FXYD2: variants seen among roughly 807,000 people sequenced by gnomAD.
FXYD2 encodes FXYD domain containing ion transport regulator 2.
Under a neutral mutation model 11.8 loss-of-function variants are expected in FXYD2, and 8 were observed. The observed-to-expected ratio is 0.68, with a 90% CI of 0.40 to 1.22. FXYD2 has a LOEUF of 1.22. FXYD2 is among the 50% of genes most tolerant of loss of function. The probability of loss-of-function intolerance (pLI) is 0.01; values close to 1 mark genes in which losing one functional copy is unlikely to be tolerated. For missense variants in FXYD2, 92 were observed against 91.8 expected, an observed-to-expected ratio of 1.00 and a Z score of -0.01; for synonymous variants, 42 against 33.3, an observed-to-expected ratio of 1.26 and a Z score of -0.90.
At position 117,822,179 on chromosome 11, in the gene FXYD2, C is replaced by G. The variant is rs533008897; in HGVS notation, c.139+227G>C. The G allele has an allele frequency of 7.0e-7, 1 of 1,433,730 alleles. No individual in the cohort carries two copies. Among genetic ancestry groups the G allele is most frequent in the Non-Finnish European group, 9.1e-7 (1 of 1,093,726 alleles). The allele number at this position is 1,433,730 out of a possible 1,614,324, so 88.8% of individuals were successfully genotyped here. A position where few individuals can be genotyped will look rare whatever the true frequency, so the allele number is the denominator to read the frequency against. Reference sequence around the variant, plus strand: ...CGTGGGTTTGCTCTCACTTCTGCGGCTCCTCCCGGGCCCACTGGAGGGTGC... The same window carrying G: ...CGTGGGTTTGCTCTCACTTCTGCGGGTCCTCCCGGGCCCACTGGAGGGTGC... On this transcript the variant is annotated intron_variant, in intron 3 of 5. Transcript: ENST00000292079. The surrounding 1 kb of genome is among the most constrained non-coding windows in gnomAD (Gnocchi z 4.7).
intron 1 of FXYD2, among the ~76,000 whole-genome samples, chr11:117,823,228 G>T (rs982985495): frequency 3.3e-5 from 5 of 152,174 alleles, no homozygotes; most frequent in African/African-American, 9.7e-5. Context: ...CCTTTCCTGC[G>T]TTACCATCCT....
chr11:117,825,865 C>G (rs1429640149), upstream of FXYD2, among the ~76,000 whole-genome samples: 1 of 152,172 alleles, frequency 6.6e-6, no homozygotes, highest in Non-Finnish European at 1.5e-5. Context: ...AGCAGGGGAG[C>G]TTGAGCCCTT....
At chr11:117,821,907 G>A (rs973633371) in intron 3 of FXYD2, 3 of 1,015,350 alleles carry the variant, frequency 3.0e-6, no homozygotes, top group East Asian at 2.0e-4. Context: ...TCAATGTGCA[G>A]TTATTAAGCT....
Position 117,824,328 on chromosome 11 carries a change from C to T in FXYD2, c.25+326G>A. 2.1e-6 allele frequency: 1 copy of T among 475,562 alleles called. No individual in the cohort carries two copies. Among genetic ancestry groups the T allele is most frequent in the Non-Finnish European group, 3.8e-6 (1 of 260,564 alleles). The allele number at this position is 475,562 out of a possible 1,614,324, so 29.5% of individuals were successfully genotyped here. A position where few individuals can be genotyped will look rare whatever the true frequency, so the allele number is the denominator to read the frequency against. On this transcript the variant is annotated intron_variant, in intron 1 of 5. Transcript: ENST00000292079. This position sits in a 1 kb window ranked among gnomAD's most constrained non-coding sequence, Gnocchi z 4.0. ...CCCCAGCCAGATGGACGCCGTCTGCCTCCCGCCCAAGTTCAGACGGTCTAG... is the reference window on the plus strand; with the variant it reads ...CCCCAGCCAGATGGACGCCGTCTGCTTCCCGCCCAAGTTCAGACGGTCTAG...
Position 117,824,391 on chromosome 11 carries a change from G to A in FXYD2, c.25+263C>T, listed in dbSNP as rs1309935491. On this transcript the variant is annotated intron_variant, in intron 1 of 5. Transcript: ENST00000292079. This position sits in a 1 kb window ranked among gnomAD's most constrained non-coding sequence, Gnocchi z 4.0. Reference sequence around the variant, plus strand: ...AACTCAGGGCGGGTGTGTGCCAGGAGGCCGAGGAGGAACGCTCAGCTCTCC... The same window carrying A: ...AACTCAGGGCGGGTGTGTGCCAGGAAGCCGAGGAGGAACGCTCAGCTCTCC... 1 of 591,202 alleles carries A rather than the reference G, an allele frequency of 1.7e-6. No homozygotes were observed. Among genetic ancestry groups the A allele is most frequent in the Non-Finnish European group, 3.0e-6 (1 of 329,412 alleles). 36.6% of individuals were successfully genotyped at this position (591,202 alleles called of 1,614,324 possible).
intron 3 of FXYD2, 140 bp from the exon 4 acceptor site, chr11:117,821,035 G>C (rs969187658): frequency 2.0e-6 from 2 of 990,108 alleles, no homozygotes; most frequent in Admixed American, 2.3e-5. Context: ...ACGTTTGACT[G>C]TCTCTATTTT....
chr11:117,827,027 G>A (rs1017633437), upstream of FXYD2, among the ~76,000 whole-genome samples: 2 of 151,852 alleles, frequency 1.3e-5, no homozygotes, highest in African/African-American at 4.8e-5. Context: ...TCCCACTGCG[G>A]GGGGGAGGAG....
chr11:117,822,634 G>A lies in FXYD2; in HGVS notation c.64+45C>T, dbSNP rs751789620. 2 of 1,600,966 alleles carry A rather than the reference G, an allele frequency of 1.2e-6. No homozygotes were observed. The highest frequency in any genetic ancestry group is 1.1e-5 in the South Asian group (1 of 88,220). ...TGGGAGAGGCCGCTGCTTGGTGGAAGGGGTCCTGAGGGCTCAGGAAGGGTG... is the reference window on the plus strand; with the variant it reads ...TGGGAGAGGCCGCTGCTTGGTGGAAAGGGTCCTGAGGGCTCAGGAAGGGTG... On this transcript the variant is annotated intron_variant, in intron 2 of 5. Coordinates refer to ENST00000292079, the MANE Select transcript of FXYD2 (RefSeq NM_001680.5). This position sits in a 1 kb window ranked among gnomAD's most constrained non-coding sequence, Gnocchi z 4.7.
intron 3 of FXYD2, chr11:117,821,185 T>C (rs2055893126): frequency 5.3e-6 from 2 of 379,960 alleles, no homozygotes; most frequent in Non-Finnish European, 8.1e-6. Context: ...GCCTCCCAAG[T>C]AGCTGGGACT....
chr11:117,825,222 C>A (rs1251754642), upstream of FXYD2, among the ~76,000 whole-genome samples: 1 of 152,174 alleles, frequency 6.6e-6, no homozygotes, highest in Non-Finnish European at 1.5e-5. Flanking sequence ...CCCACCACAT[C>A]CCTGGAGCAC....
At position 117,822,650 on chromosome 11, in the gene FXYD2, A is replaced by G; in HGVS notation, c.64+29T>C. 1 of 1,606,172 alleles carries G rather than the reference A, an allele frequency of 6.2e-7. No individual in the cohort carries two copies. Among genetic ancestry groups the G allele is most frequent in the East Asian group, 2.2e-5 (1 of 44,574 alleles). ...TTGGTGGAAGGGGTCCTGAGGGCTC[A>G]GGAAGGGTGCGCAGGGGCCCAGGCT... On this transcript the variant is annotated intron_variant, in intron 2 of 5. Transcript: ENST00000292079. This position sits in a 1 kb window ranked among gnomAD's most constrained non-coding sequence, Gnocchi z 4.7.
intron 3 of FXYD2, chr11:117,821,453 G>A: frequency 2.0e-6 from 2 of 986,578 alleles, no homozygotes; most frequent in African/African-American, 1.7e-5. Context: ...GATCCACGGT[G>A]GTCTGTTGGC....
chr11:117,823,721 C>A (rs567432461), intron 1 of FXYD2, among the ~76,000 whole-genome samples: 1 of 152,214 alleles, frequency 6.6e-6, no homozygotes, highest in Non-Finnish European at 1.5e-5. Context: ...CCTTCTCGCA[C>A]GAGGGAAGTG....
At position 117,820,301 on chromosome 11, in the gene FXYD2, G is replaced by T. The variant is rs114952534; in HGVS notation, c.*78C>A. Reference sequence around the variant, plus strand: ...CAAAGGTCTAAAGCCCAGGGAAGAAGGGGAGGCGCCAGAGGCAGGGCCATG... The same window carrying T: ...CAAAGGTCTAAAGCCCAGGGAAGAATGGGAGGCGCCAGAGGCAGGGCCATG... On this transcript the variant is annotated 3_prime_UTR_variant, in exon 6 of 6. Transcript: ENST00000292079. 2.7e-3 allele frequency: 892 copies of T among 327,180 alleles called. 8 individuals carry two copies. Among genetic ancestry groups the T allele is most frequent in the African/African-American group, 0.017 (825 of 47,660 alleles). 20.3% of individuals were successfully genotyped at this position (327,180 alleles called of 1,614,324 possible). A position where few individuals can be genotyped will look rare whatever the true frequency, so the allele number is the denominator to read the frequency against.
chr11:117,827,046 G>A (rs1228215125), upstream of FXYD2, among the ~76,000 whole-genome samples: 2 of 151,548 alleles, frequency 1.3e-5, no homozygotes, highest in Non-Finnish European at 2.9e-5. Context: ...AGGTGCATGG[G>A]GAGGCACCAA....
intron 3 of FXYD2, chr11:117,821,946 A>T: frequency 1.9e-6 from 2 of 1,049,684 alleles, no homozygotes; most frequent in Non-Finnish European, 2.3e-6. Context: ...GGGCTTGAGG[A>T]TACATAACTC....
In FXYD2 at chr11:117,822,482, T is replaced by G; in HGVS notation, c.65-2A>C. 1 of 1,560,014 alleles carries G rather than the reference T, an allele frequency of 6.4e-7. No individual in the cohort carries two copies. Among genetic ancestry groups the G allele is most frequent in the Non-Finnish European group, 8.7e-7 (1 of 1,151,228 alleles). On this transcript the variant is annotated splice_acceptor_variant, in intron 2 of 5. Coordinates refer to ENST00000292079, the MANE Select transcript of FXYD2 (RefSeq NM_001680.5). LOFTEE classifies it high-confidence loss of function. This position sits in a 1 kb window ranked among gnomAD's most constrained non-coding sequence, Gnocchi z 4.7. Reference sequence around the variant, plus strand: ...CCCCATTGCGAACGGTCTCATAGTCTCCGGAAAGAGAGGGCAAGAGGAGCG... The same window carrying G: ...CCCCATTGCGAACGGTCTCATAGTCGCCGGAAAGAGAGGGCAAGAGGAGCG...
At chr11:117,825,577 C>G (rs1454849154), upstream of FXYD2, among the ~76,000 whole-genome samples, 1 of 152,196 alleles carries the variant, frequency 6.6e-6, no homozygotes, top group Non-Finnish European at 1.5e-5. Flanking sequence ...AGGCAGGTGT[C>G]TAAGGCACAG....
In FXYD2 at chr11:117,822,222, C is replaced by T. The variant is rs1027570069; in HGVS notation, c.139+184G>A. On this transcript the variant is annotated intron_variant, in intron 3 of 5. Transcript: ENST00000292079. This position sits in a 1 kb window ranked among gnomAD's most constrained non-coding sequence, Gnocchi z 4.7. ...GAGGGTGCACTTGAGCAAGCAGGAA[C>T]CTCACACTGTGCTCCCAGCGAGCCT... 3.5e-5 allele frequency: 52 copies of T among 1,491,986 alleles called. No homozygotes were observed. The highest frequency in any genetic ancestry group is 2.9e-4 in the Admixed American group (14 of 48,646). The allele number at this position is 1,491,986 out of a possible 1,614,324, so 92.4% of individuals were successfully genotyped here.
Sources: gnomAD v4.1 joint callset for allele counts (sites outside exome capture counted in the v4.1 genomes callset) on GRCh38, gnomAD v4.1.1 for gene constraint, Gnocchi (gnomAD v3.1) non-coding constraint, MANE v1.5 for transcripts, NCBI Gene and HGNC (gene_info 2026-07-23, HGNC 2026-07-21) for gene names.